The following CIB4 variants were observed in gnomAD, a reference collection of about 807,000 sequenced individuals.
CIB4 encodes the protein calcium and integrin-binding family member 4.
CIB4 carries 25 observed loss-of-function variants against 25.8 expected under a neutral mutation model. The observed-to-expected ratio is 0.97, with a 90% CI of 0.71 to 1.35. CIB4 has a LOEUF of 1.35. CIB4 is among the 40% of genes most tolerant of loss of function. The pLI is 0.00. For missense variants in CIB4, 235 were observed against 228.2 expected, an observed-to-expected ratio of 1.03 and a Z score of -0.19; for synonymous variants, 75 against 81.4, an observed-to-expected ratio of 0.92 and a Z score of 0.42.
At chr2:26,593,444 C>A (rs1668625803) in intron 4 of CIB4, among the ~76,000 whole-genome samples, 1 of 149,880 alleles carries the variant, frequency 6.7e-6, no homozygotes, top group East Asian at 2.0e-4. Context: ...ACTATATATA[C>A]CCACACATAC....
chr2:26,618,870 A>G (rs1669146998), intron 3 of CIB4, among the ~76,000 whole-genome samples: 1 of 152,128 alleles, frequency 6.6e-6, no homozygotes, highest in Non-Finnish European at 1.5e-5. Context: ...TGACCAAGGC[A>G]TCTCCCACCG....
At position 26,620,014 on chromosome 2, in the gene CIB4, C is replaced by CT. The variant is rs201591309; in HGVS notation, c.186+9395dup. Among the ~76,000 whole-genome samples the CT allele has an allele frequency of 8.3e-3, 1,240 of 148,578 alleles. 29 individuals are homozygous for CT. Among genetic ancestry groups the CT allele is most frequent in the African/African-American group, 0.03 (1,179 of 39,280 alleles). On this transcript the variant is annotated intron_variant, in intron 3 of 6. Transcript: ENST00000288861. The stretch of plus-strand genomic sequence containing the variant: ...ATCCTGATCTCCATCCCGGAATCCC[C>CT]TACAGACTCTGCGACTGAGGAAGCA...
chr2:26,590,866 G>GA (rs1668575329), intron 4 of CIB4, among the ~76,000 whole-genome samples: 2 of 152,240 alleles, frequency 1.3e-5, no homozygotes, highest in Non-Finnish European at 2.9e-5. Context: ...GGCCTGGAGA[G>GA]AGAGTGGGGA....
intron 3 of CIB4, 104 bp from the exon 4 acceptor site, chr2:26,595,421 G>A: frequency 1.6e-6 from 2 of 1,244,538 alleles, no homozygotes; most frequent in Non-Finnish European, 2.2e-6. Flanking sequence ...GGTTTGAGAT[G>A]AAGACAACAG....
chr2:26,582,593 G>A (rs561479056), intron 6 of CIB4, among the ~76,000 whole-genome samples: 9 of 152,298 alleles, frequency 5.9e-5, no homozygotes, highest in African/African-American at 1.7e-4. Context: ...GAGCTGTGAC[G>A]TCATTCCCAA....
chr2:26,635,915 T>C (rs776253574), intron 2 of CIB4, among the ~76,000 whole-genome samples: 1 of 152,188 alleles, frequency 6.6e-6, no homozygotes. Flanking sequence ...AAAATGCAAA[T>C]AGTACTGTGA....
At chr2:26,585,280 A>C (rs527667500) in intron 4 of CIB4, among the ~76,000 whole-genome samples, 9 of 147,952 alleles carry the variant, frequency 6.1e-5, no homozygotes, top group Non-Finnish European at 1.3e-4. Context: ...CTGGGATGCC[A>C]GGCAGGGACA....
At chr2:26,633,369 T>C (rs1044876616) in intron 2 of CIB4, among the ~76,000 whole-genome samples, 1 of 151,642 alleles carries the variant, frequency 6.6e-6, no homozygotes, top group African/African-American at 2.4e-5. Flanking sequence ...GCTCCGAGAG[T>C]TTAAGTGTTG....
chr2:26,617,364 A>AG, intron 3 of CIB4, among the ~76,000 whole-genome samples: 1 of 152,314 alleles, frequency 6.6e-6, no homozygotes, highest in Middle Eastern at 3.4e-3. Flanking sequence ...TCCTGTAGCC[A>AG]CTTCTGGAGC....
chr2:26,613,962 A>T (rs1020410192), intron 3 of CIB4, among the ~76,000 whole-genome samples: 21 of 152,156 alleles, frequency 1.4e-4, no homozygotes, highest in African/African-American at 5.1e-4. Flanking sequence ...GCCTCCTCTG[A>T]CACTAGCCAT....
chr2:26,587,564 A>T (rs1053615432), intron 4 of CIB4, among the ~76,000 whole-genome samples: 1 of 152,134 alleles, frequency 6.6e-6, no homozygotes, highest in African/African-American at 2.4e-5. Context: ...AAATACATGG[A>T]CATCACCTGG....
chr2:26,618,737 G>A (rs917312559), intron 3 of CIB4, among the ~76,000 whole-genome samples: 2 of 152,216 alleles, frequency 1.3e-5, no homozygotes, highest in Middle Eastern at 3.2e-3. Context: ...TAGCCTGACC[G>A]CAGGGCAGCA....
intron 2 of CIB4, among the ~76,000 whole-genome samples, chr2:26,630,184 C>T (rs959730108): frequency 1.3e-5 from 2 of 152,182 alleles, no homozygotes; most frequent in Non-Finnish European, 2.9e-5. Context: ...GGCCGTGTGA[C>T]CCCTGAGAGT....
intron 3 of CIB4, among the ~76,000 whole-genome samples, chr2:26,608,211 G>A (rs1668928759): frequency 6.9e-6 from 1 of 145,268 alleles, no homozygotes; most frequent in Non-Finnish European, 1.5e-5. Flanking sequence ...CTGCACTCCA[G>A]CCTGGGCAAC....
rs1558554851 is a variant in CIB4, at chr2:26,589,060, CTCTTCCTCTTCCTCT to C, written c.329-5177_329-5163del. ...CTTCTTCTTCTTCTTCTTCTTCTTC[CTCTTCCTCTTCCTCT>C]TCTTCTTCTTCTTCTTCTTCTTCTT... On this transcript the variant is annotated intron_variant, in intron 4 of 6. Coordinates refer to ENST00000288861, the MANE Select transcript of CIB4 (RefSeq NM_001029881.3). Among the ~76,000 whole-genome samples, 47 of 36,488 alleles carry C rather than the reference CTCTTCCTCTTCCTCT, an allele frequency of 1.3e-3. 1 individual carries two copies. The highest frequency in any genetic ancestry group is 2.1e-3 in the Non-Finnish European group (40 of 19,464). 23.9% of individuals were successfully genotyped at this position (36,488 alleles called of 152,430 possible). A position where few individuals can be genotyped will look rare whatever the true frequency, so the allele number is the denominator to read the frequency against.
At chr2:26,626,408 A>C (rs1296754129) in intron 3 of CIB4, among the ~76,000 whole-genome samples, 1 of 152,168 alleles carries the variant, frequency 6.6e-6, no homozygotes. Context: ...TACAAAAAAA[A>C]AAAAAAAAAT....
intron 3 of CIB4, among the ~76,000 whole-genome samples, chr2:26,619,797 G>C (rs749803442): frequency 2.0e-5 from 3 of 148,334 alleles, no homozygotes; most frequent in African/African-American, 5.0e-5. Context: ...AGGAACCAAA[G>C]CCCACAGCGG....
intron 2 of CIB4, among the ~76,000 whole-genome samples, chr2:26,640,102 A>C (rs1452767256): frequency 1.3e-5 from 1 of 74,298 alleles, no homozygotes; most frequent in Non-Finnish European, 2.6e-5. Context: ...GAGAAAGGGC[A>C]GGGAGGGAGG....
chr2:26,591,207 GCTT>G (rs1164157458), intron 4 of CIB4, among the ~76,000 whole-genome samples: 1 of 152,232 alleles, frequency 6.6e-6, no homozygotes, highest in Non-Finnish European at 1.5e-5. Context: ...TCACAACTCT[GCTT>G]CTTTTTGGCT....
Sources: allele counts gnomAD v4.1 joint callset (sites outside exome capture counted in the v4.1 genomes callset), GRCh38; gene constraint gnomAD v4.1.1; transcripts MANE v1.5; gene names NCBI Gene and HGNC (gene_info 2026-07-23, HGNC 2026-07-21).